MAPKAP1: variants seen among roughly 807,000 people sequenced by gnomAD.
MAPKAP1 encodes MAPK associated protein 1, also known as target of rapamycin complex 2 subunit MAPKAP1.
Under a neutral mutation model 65.7 loss-of-function variants are expected in MAPKAP1, and 20 were observed. The ratio of observed to expected loss-of-function variants is 0.30; its 90% CI spans 0.21 to 0.44. MAPKAP1 has a LOEUF of 0.44. MAPKAP1 is among the 20% of genes least tolerant of loss of function. The probability of loss-of-function intolerance (pLI) is 1.00; values close to 1 mark genes in which losing one functional copy is unlikely to be tolerated. For synonymous variants in MAPKAP1, 222 were observed against 244.3 expected (o/e 0.91, Z 0.85); for missense variants, 423 against 648.0 (o/e 0.65, Z 3.77).
At chr9:125,703,769 C>CAAAAAA in intron 1 of MAPKAP1, among the ~76,000 whole-genome samples, 1 of 61,696 alleles carries the variant, frequency 1.6e-5, no homozygotes, top group Non-Finnish European at 3.4e-5. Flanking sequence ...AAGACTGTCT[C>CAAAAAA]AAAAAAAAAA....
chr9:125,569,960 CT>C (rs1449943953), intron 5 of MAPKAP1, among the ~76,000 whole-genome samples: 1 of 152,204 alleles, frequency 6.6e-6, no homozygotes, highest in Non-Finnish European at 1.5e-5. Flanking sequence ...TTAAAAATGA[CT>C]GATAAAAATG....
At chr9:125,602,660 C>T (rs879636953) in intron 4 of MAPKAP1, among the ~76,000 whole-genome samples, 10 of 152,218 alleles carry the variant, frequency 6.6e-5, no homozygotes, top group Admixed American at 2.0e-4. Context: ...CACAAGCTCT[C>T]TCTGCAACTG....
chr9:125,680,437 CTAACTCCAATT>C (rs1834789586), intron 1 of MAPKAP1, among the ~76,000 whole-genome samples: 1 of 152,156 alleles, frequency 6.6e-6, no homozygotes, highest in Non-Finnish European at 1.5e-5. Context: ...ATCTCTTTCT[CTAACTCCAATT>C]TAACTCTAAA....
At chr9:125,625,847 T>C (rs1202781033) in intron 4 of MAPKAP1, among the ~76,000 whole-genome samples, 1 of 152,146 alleles carries the variant, frequency 6.6e-6, no homozygotes, top group Non-Finnish European at 1.5e-5. Flanking sequence ...CAGACTGAAT[T>C]CACAGCAAAA....
intron 10 of MAPKAP1, among the ~76,000 whole-genome samples, chr9:125,458,947 TGCC>T: frequency 1.4e-5 from 1 of 72,478 alleles, no homozygotes; most frequent in Non-Finnish European, 2.6e-5. Context: ...ACGGGGTGGC[TGCC>T]GGGCGGAGAC....
At chr9:125,538,811 T>C (rs1830149108) in intron 7 of MAPKAP1, among the ~76,000 whole-genome samples, 1 of 152,148 alleles carries the variant, frequency 6.6e-6, no homozygotes, top group South Asian at 2.1e-4. Context: ...AAGGTCATCC[T>C]TAGGTCTGAC....
intron 1 of MAPKAP1, among the ~76,000 whole-genome samples, chr9:125,676,642 G>A (rs752206983): frequency 1.8e-4 from 28 of 152,172 alleles, no homozygotes; most frequent in Non-Finnish European, 3.8e-4. Context: ...AGTATTTAAC[G>A]GGTACATTTC....
chr9:125,699,807 GT>G (rs1231857412), intron 1 of MAPKAP1, among the ~76,000 whole-genome samples: 1 of 151,882 alleles, frequency 6.6e-6, no homozygotes, highest in East Asian at 1.9e-4. Context: ...TAGAGACAGG[GT>G]TTCATTATTT....
intron 1 of MAPKAP1, among the ~76,000 whole-genome samples, chr9:125,700,230 G>A (rs1835554803): frequency 6.6e-6 from 1 of 152,248 alleles, no homozygotes; most frequent in South Asian, 2.1e-4. Flanking sequence ...ATTTTCAAAA[G>A]AAAACCATTC....
intron 10 of MAPKAP1, among the ~76,000 whole-genome samples, chr9:125,450,829 G>A (rs1852919123): frequency 6.6e-6 from 1 of 152,120 alleles, no homozygotes; most frequent in South Asian, 2.1e-4. Context: ...AGTAGGAAAT[G>A]CTGGACTGGG....
intron 4 of MAPKAP1, among the ~76,000 whole-genome samples, chr9:125,631,402 C>T (rs892069316): frequency 6.6e-6 from 1 of 152,220 alleles, no homozygotes; most frequent in Non-Finnish European, 1.5e-5. Flanking sequence ...CCCAAGAACC[C>T]TTCTACTATT....
At chr9:125,557,395 C>T (rs1008467641) in intron 6 of MAPKAP1, among the ~76,000 whole-genome samples, 2 of 152,124 alleles carry the variant, frequency 1.3e-5, no homozygotes, top group Admixed American at 6.5e-5. Flanking sequence ...CGAAATGCCA[C>T]TGTGTATATC....
intron 1 of MAPKAP1, among the ~76,000 whole-genome samples, chr9:125,698,286 T>TA (rs1286147958): frequency 0.039 from 997 of 25,786 alleles, 33 homozygotes; most frequent in African/African-American, 0.15. Context: ...ATAATATATA[T>TA]AAATATATAT....
chr9:125,658,940 T>G (rs1250563717), intron 3 of MAPKAP1, among the ~76,000 whole-genome samples: 2 of 152,030 alleles, frequency 1.3e-5, no homozygotes, highest in African/African-American at 4.8e-5. Context: ...AAGAGTCACT[T>G]AGAACTTTCA....
At chr9:125,506,065 A>T in intron 8 of MAPKAP1, 1 of 526,372 alleles carries the variant, frequency 1.9e-6, no homozygotes, top group South Asian at 2.2e-5. Flanking sequence ...CCAACTTAGG[A>T]AGACAGTTTA....
chr9:125,545,432 G>A (rs1268752061), intron 6 of MAPKAP1, among the ~76,000 whole-genome samples: 2 of 152,078 alleles, frequency 1.3e-5, no homozygotes, highest in African/African-American at 2.4e-5. Context: ...GTCAGTATGC[G>A]CTCCATCTGT....
chr9:125,441,700 GCAA>G (rs765958230), intron 11 of MAPKAP1, among the ~76,000 whole-genome samples: 3 of 152,114 alleles, frequency 2.0e-5, no homozygotes, highest in Non-Finnish European at 2.9e-5. Context: ...GCTTCTGATG[GCAA>G]CAACATTTCT....
intron 7 of MAPKAP1, among the ~76,000 whole-genome samples, chr9:125,533,834 C>A (rs148620741): frequency 1.3e-5 from 2 of 152,136 alleles, no homozygotes; most frequent in African/African-American, 4.8e-5. Context: ...AAATCTAGCA[C>A]AAATATGCAA....
intron 4 of MAPKAP1, among the ~76,000 whole-genome samples, chr9:125,604,420 C>G (rs1832388723): frequency 6.6e-6 from 1 of 152,206 alleles, no homozygotes; most frequent in Admixed American, 6.5e-5. Flanking sequence ...ATCATCACCA[C>G]CACATCAGCT....
Sources: gnomAD v4.1 joint callset for allele counts (sites outside exome capture counted in the v4.1 genomes callset) on GRCh38, gnomAD v4.1.1 for gene constraint, MANE v1.5 for transcripts, NCBI Gene and HGNC (gene_info 2026-07-23, HGNC 2026-07-21) for gene names.